EIF4A2: variants seen among roughly 807,000 people sequenced by gnomAD.
EIF4A2 encodes eukaryotic initiation factor 4A-II.
A neutral mutation model predicts 50.6 loss-of-function variants in EIF4A2; 9 were observed. The observed-to-expected ratio is 0.18, with a 90% CI of 0.11 to 0.31. The LOEUF is 0.31. EIF4A2 is among the 10% of genes least tolerant of loss of function. The pLI, the probability that EIF4A2 is intolerant of heterozygous loss-of-function variation, is 1.00. For synonymous variants in EIF4A2, 215 were observed against 164.4 expected (o/e 1.31, Z -2.35); for missense variants, 182 against 501.8 (o/e 0.36, Z 6.09).
intron 10 of EIF4A2, chr3:186,788,627 C>T (rs949408044): frequency 7.8e-6 from 2 of 255,654 alleles, no homozygotes; most frequent in Admixed American, 1.0e-4. Flanking sequence ...AGCAAAAAAG[C>T]AGTGATAAGT....
chr3:186,783,807 T>A, intron 1 of EIF4A2, 168 bp downstream of exon 1: 1 of 1,086,420 alleles, frequency 9.2e-7, no homozygotes, highest in Non-Finnish European at 1.4e-6. Flanking sequence ...GCCCGGATTG[T>A]GGGGAGATAG....
chr3:186,783,851 T>G, intron 1 of EIF4A2: 2 of 697,592 alleles, frequency 2.9e-6, no homozygotes. Flanking sequence ...TAAAGGGCGT[T>G]TTTCCTCTCT....
At position 186,787,935 on chromosome 3, in the gene EIF4A2, T is replaced by A. The variant is rs555321427; in HGVS notation, c.1079+53T>A. 19 of 1,572,116 alleles carry A rather than the reference T, an allele frequency of 1.2e-5. 1 individual carries two copies. The South Asian group carries it at 2.0e-4, about 17-fold the overall frequency. ...GAAAAAAATTCATACGTTTTTCTAC[T>A]GTGATTTGTATGAAAGGTAACATCA... On this transcript the variant is annotated intron_variant, in intron 10 of 10. Transcript: ENST00000323963.
chr3:186,788,114 C>A, intron 10 of EIF4A2: 1 of 663,364 alleles, frequency 1.5e-6, no homozygotes, highest in East Asian at 3.0e-5. Context: ...GTTGGTCTTA[C>A]CTTATGCTTG....
At chr3:186,783,711 C>G (rs1287466761) in intron 1 of EIF4A2, 72 bp downstream of exon 1, 1 of 1,610,190 alleles carries the variant, frequency 6.2e-7, no homozygotes, top group East Asian at 2.2e-5. Flanking sequence ...TAGTGGATGG[C>G]ACGGAGGCAA....
chr3:186,788,106 T>TG, intron 10 of EIF4A2: 1 of 684,558 alleles, frequency 1.5e-6, no homozygotes, highest in Non-Finnish European at 2.4e-6. Context: ...CCACAATTGT[T>TG]GGTCTTACCT....
intron 3 of EIF4A2, 29 bp downstream of exon 3, chr3:186,784,725 T>C: frequency 6.2e-7 from 1 of 1,611,372 alleles, no homozygotes; most frequent in East Asian, 2.2e-5. Context: ...TTTAGGAAAT[T>C]GTTCTACATA....
rs1721993758 is a variant in EIF4A2 at position 186,789,488 on chromosome 3, T to A, written c.*219T>A. The A allele has an allele frequency of 4.2e-6, 2 of 471,444 alleles. No individual in the cohort carries two copies. Among genetic ancestry groups the A allele is most frequent in the African/African-American group, 2.0e-5 (1 of 49,608 alleles). 29.2% of individuals were successfully genotyped at this position (471,444 alleles called of 1,614,324 possible). On this transcript the variant is annotated 3_prime_UTR_variant, in exon 11 of 11. Transcript: ENST00000323963. ...TAGAGTTAGACTGTTGGGGTGGGTA[T>A]AAAAGATGGGGTCTGTAAAATCTTT... is the stretch of plus-strand genomic sequence containing the variant.
At chr3:186,785,294 A>G in intron 4 of EIF4A2, 193 bp downstream of exon 4, 2 of 734,582 alleles carry the variant, frequency 2.7e-6, no homozygotes, top group East Asian at 2.8e-5. Context: ...AGGGTTGTAT[A>G]CTAATAGATT....
Position 186,786,148 on chromosome 3 carries a change from A to C in EIF4A2, c.518-16A>C. ...GAGTAGATCTAGAAATGACAGTATG[A>C]CTTTGTTTCTAACAGCTCCAAAATG... On this transcript the variant is annotated splice_polypyrimidine_tract_variant and intron_variant, in intron 5 of 10. Coordinates refer to ENST00000323963, the MANE Select transcript of EIF4A2 (RefSeq NM_001967.4). 3 of 1,611,996 alleles carry C rather than the reference A, an allele frequency of 1.9e-6. No individual in the cohort carries two copies. The highest frequency in any genetic ancestry group is 1.1e-5 in the South Asian group (1 of 90,954).
chr3:186,788,482 C>T (rs1721905339), intron 10 of EIF4A2: 8 of 1,190,140 alleles, frequency 6.7e-6, no homozygotes, highest in South Asian at 1.5e-5. Context: ...CCAGCTAAGG[C>T]ATTTTTTTGT....
In EIF4A2 at chr3:186,787,273, T is replaced by G. The variant is rs753287035; in HGVS notation, c.909+9T>G. 2.5e-6 allele frequency: 4 copies of G among 1,613,882 alleles called. No homozygotes were observed. Among genetic ancestry groups the G allele is most frequent in the Non-Finnish European group, 3.4e-6 (4 of 1,179,916 alleles). On this transcript the variant is annotated intron_variant, in intron 8 of 10. Transcript: ENST00000323963. Reference sequence around the variant, plus strand: ...TCACAGTTTCTGCTCTGGTAAGAGGTGTTCTAAAATGTCTGGATTTCCACT... The same window carrying G: ...TCACAGTTTCTGCTCTGGTAAGAGGGGTTCTAAAATGTCTGGATTTCCACT...
At position 186,789,879 on chromosome 3, in the gene EIF4A2, A is replaced by AGT; in HGVS notation, c.*610_*611insGT. 1.2e-6 allele frequency: 1 copy of AGT among 818,110 alleles called. No homozygotes were observed. Among genetic ancestry groups the AGT allele is most frequent in the South Asian group, 1.7e-5 (1 of 60,502 alleles). The allele number at this position is 818,110 out of a possible 1,614,324, so 50.7% of individuals were successfully genotyped here. ...TTAATGAAGTTTGAATGTTAAATAA[A>AGT]TTGTATATTCACTTTAAAGGTGCTT... On this transcript the variant is annotated 3_prime_UTR_variant, in exon 11 of 11. Coordinates refer to ENST00000323963, the MANE Select transcript of EIF4A2 (RefSeq NM_001967.4).
rs775797303 is a variant in EIF4A2, at chr3:186,785,966, A to G, written c.432A>G (p.Glu144=). The change falls in exon 5 of 11, where the codon GAA becomes GAG. Residue 144 remains glutamate (E), a synonymous_variant. Transcript: ENST00000323963. ...ACIGGTNVRN[E]MQKLQAEAPH... ...TTGGTGGAACAAATGTTCGAAATGA[A>G]ATGCAAAAACTGCAGGCTGAAGCAC... 5.4e-5 allele frequency: 87 copies of G among 1,613,234 alleles called. No individual in the cohort carries two copies. The highest frequency in any genetic ancestry group is 7.0e-5 in the Non-Finnish European group (83 of 1,179,306).
At chr3:186,788,874 CTT>C (rs1422850327) in intron 10 of EIF4A2, 3 of 454,976 alleles carry the variant, frequency 6.6e-6, no homozygotes, top group African/African-American at 6.0e-5. Flanking sequence ...CTGTCATCTG[CTT>C]TATAATAATG....
chr3:186,789,083 C>A (rs372045163), intron 10 of EIF4A2, 42 bp from the exon 11 acceptor site: 2 of 1,600,700 alleles, frequency 1.2e-6, no homozygotes, highest in African/African-American at 2.7e-5. Flanking sequence ...GTAGTTTATA[C>A]ATTATGTGAG....
At chr3:186,788,325 G>C in intron 10 of EIF4A2, 1 of 1,290,376 alleles carries the variant, frequency 7.7e-7, no homozygotes. Flanking sequence ...GATAGCAGCA[G>C]TTGGTGACGA....
rs1319635845 is a variant in EIF4A2 at position 186,789,281 on chromosome 3, A to G, written c.*12A>G. The stretch of plus-strand genomic sequence containing the variant: ...CTGACCTTATTTAATTCCTGGGATG[A>G]GAGTTTTGGATGCAGTGCTCGCTGT... On this transcript the variant is annotated 3_prime_UTR_variant, in exon 11 of 11. Coordinates refer to ENST00000323963, the MANE Select transcript of EIF4A2 (RefSeq NM_001967.4). 2.5e-6 allele frequency: 4 copies of G among 1,601,082 alleles called. No homozygotes were observed. Among genetic ancestry groups the G allele is most frequent in the Admixed American group, 1.7e-5 (1 of 58,374 alleles).
chr3:186,784,866 A>C (rs1721600504), intron 3 of EIF4A2, 96 bp from the exon 4 acceptor site: 1 of 1,605,904 alleles, frequency 6.2e-7, no homozygotes, highest in Admixed American at 1.7e-5. Context: ...TGATCACTTG[A>C]TTATTTGGGC....
Sources: allele counts gnomAD v4.1 joint callset, GRCh38; gene constraint gnomAD v4.1.1; transcripts MANE v1.5; gene names NCBI Gene and HGNC (gene_info 2026-07-23, HGNC 2026-07-21).